Variants in VWA2 observed in about 807,000 individuals in gnomAD.
The protein encoded by VWA2 is von Willebrand factor A domain-containing protein 2.
A neutral mutation model predicts 70.4 loss-of-function variants in VWA2; 73 were observed. That is an observed-to-expected ratio of 1.04 (90% confidence interval 0.86 to 1.26). VWA2 has a LOEUF of 1.26. Among genes scored for constraint, VWA2 ranks in the 50% most tolerant of loss-of-function variants. VWA2 has a pLI of 0.00. For synonymous variants in VWA2, 407 were observed against 423.3 expected (o/e 0.96, Z 0.47); for missense variants, 1,011 against 998.5 (o/e 1.01, Z -0.17).
intron 5 of VWA2, among the ~76,000 whole-genome samples, chr10:114,267,898 T>C (rs1425777027): frequency 1.3e-5 from 2 of 152,144 alleles, no homozygotes; most frequent in East Asian, 3.9e-4. Flanking sequence ...GAATAGGACC[T>C]GAAAATCTAC....
Position 114,255,048 on chromosome 10 carries a change from G to A in VWA2, c.261G>A (p.Arg87=), listed in dbSNP as rs1263769223. The change falls in exon 4 of 14, where the codon AGG becomes AGA. Residue 87 remains arginine (R), a splice_region_variant and synonymous_variant. Transcript: ENST00000392982. ...ACGGTCTGGACATCAGCCCCGAGAG[G>A]GTGAGTGCAAGTCTTGTGGGTGTTT... ...VCDGLDISPE[R]VRVGAFQFSS... is the part of the protein sequence containing the mutation. The A allele has an allele frequency of 4.3e-6, 7 of 1,611,522 alleles. No homozygotes were observed. The African/African-American group carries it at 6.7e-5, about 15-fold the overall frequency.
chr10:114,275,422 C>T (rs1358049120), intron 6 of VWA2, among the ~76,000 whole-genome samples: 2 of 152,236 alleles, frequency 1.3e-5, no homozygotes, highest in African/African-American at 4.8e-5. Context: ...CCGTTTCCCA[C>T]ATTGTGCCAG....
intron 4 of VWA2, among the ~76,000 whole-genome samples, chr10:114,258,458 G>A (rs1399671373): frequency 7.9e-5 from 12 of 152,062 alleles, no homozygotes; most frequent in African/African-American, 1.9e-4. Context: ...ATAGCTGGGC[G>A]GGCCTGTTTC....
At chr10:114,271,606 AAAAC>A (rs1368374857) in intron 5 of VWA2, among the ~76,000 whole-genome samples, 1 of 131,122 alleles carries the variant, frequency 7.6e-6, no homozygotes, top group African/African-American at 3.3e-5. Flanking sequence ...ATGAGAAGTA[AAAAC>A]ACACACACAC....
At chr10:114,250,439 G>A (rs751813794) in intron 2 of VWA2, among the ~76,000 whole-genome samples, 62 of 152,232 alleles carry the variant, frequency 4.1e-4, no homozygotes, top group Admixed American at 1.1e-3. Flanking sequence ...AGTAAGAACA[G>A]GTGGACTGGG....
chr10:114,284,113 TGGACCACAG>T (rs1406213504), intron 9 of VWA2, among the ~76,000 whole-genome samples: 1 of 152,240 alleles, frequency 6.6e-6, no homozygotes, highest in Admixed American at 6.5e-5. Context: ...TGCTCAGGCA[TGGACCACAG>T]GGAATCATAG....
At chr10:114,289,728 A>C in intron 12 of VWA2, 1 of 569,198 alleles carries the variant, frequency 1.8e-6, no homozygotes, top group Non-Finnish European at 3.1e-6. Flanking sequence ...CCCAAACTTG[A>C]GAATTTATGC....
At chr10:114,266,913 T>C (rs1393664751) in intron 5 of VWA2, among the ~76,000 whole-genome samples, 3 of 152,218 alleles carry the variant, frequency 2.0e-5, no homozygotes, top group African/African-American at 7.2e-5. Context: ...TCCCCCTTAA[T>C]ATTATTTGGT....
chr10:114,251,042 C>T (rs1046056521), intron 2 of VWA2, among the ~76,000 whole-genome samples: 6 of 152,222 alleles, frequency 3.9e-5, no homozygotes, highest in Admixed American at 2.0e-4. Context: ...CTGGCTGTAC[C>T]GCTCAGCTTC....
In VWA2 at chr10:114,293,057, A is replaced by G. The variant is rs2133778488; in HGVS notation, c.*1820A>G. ...ATAATGTTTTATAGACAAACATTCA[A>G]GGGTACTTTGGCTTTAAGAACTTCA... On this transcript the variant is annotated 3_prime_UTR_variant, in exon 14 of 14. Transcript: ENST00000392982. Among the ~76,000 whole-genome samples, 1 of 152,330 alleles carries G rather than the reference A, an allele frequency of 6.6e-6. No homozygotes were observed. The highest frequency in any genetic ancestry group is 2.1e-4 in the South Asian group (1 of 4,824).
chr10:114,256,078 G>A (rs2037320793), intron 4 of VWA2, among the ~76,000 whole-genome samples: 1 of 152,190 alleles, frequency 6.6e-6, no homozygotes, highest in Non-Finnish European at 1.5e-5. Flanking sequence ...ACAAAGGCTT[G>A]GACCCTTTAA....
rs1048942912 is a variant in VWA2 at position 114,277,917 on chromosome 10, G to A, written c.570G>A (p.Trp190Ter). 8 of 1,606,918 alleles carry A rather than the reference G, an allele frequency of 5.0e-6. No homozygotes were observed. The African/African-American group carries it at 6.7e-5, about 13-fold the overall frequency. ...VFAVGVRFPR[W>*]EELHALASEP... The stretch of plus-strand genomic sequence containing the variant: ...CTGTTACAACCCCTTGGCACAGGTG[G>A]GAGGAGCTGCATGCACTGGCCAGCG... Residue 190 changes from tryptophan (W) to a stop codon, truncating the protein, a stop_gained, in exon 7 of 14, where the codon TGG (tryptophan) becomes TGA (stop). Transcript: ENST00000392982. LOFTEE classifies it high-confidence loss of function.
intron 8 of VWA2, among the ~76,000 whole-genome samples, chr10:114,279,940 C>T (rs528731577): frequency 1.5e-4 from 23 of 152,304 alleles, no homozygotes; most frequent in Admixed American, 3.9e-4. Flanking sequence ...GTGGGCAAGG[C>T]GCTCAGAGCC....
intron 6 of VWA2, among the ~76,000 whole-genome samples, chr10:114,277,168 CTTTTTT>C (rs780326649): frequency 6.5e-5 from 4 of 61,216 alleles, no homozygotes; most frequent in African/African-American, 1.4e-4. Context: ...GACTGCACGT[CTTTTTT>C]TTTTTTTTTT....
At chr10:114,248,671 T>C (rs1027646686) in intron 1 of VWA2, 33 bp from the exon 2 acceptor site, 2 of 1,589,298 alleles carry the variant, frequency 1.3e-6, no homozygotes, top group African/African-American at 2.7e-5. Context: ...AACTAATTGC[T>C]GATACTTTCT....
intron 1 of VWA2, among the ~76,000 whole-genome samples, chr10:114,246,989 C>G (rs1005036960): frequency 6.6e-6 from 1 of 152,084 alleles, no homozygotes; most frequent in African/African-American, 2.4e-5. Context: ...GCAGCTGCCC[C>G]CTCAGCCTGG....
rs764526217 is a variant in VWA2, at chr10:114,288,964, G to A, written c.1597G>A (p.Val533Ile). The A allele has an allele frequency of 4.2e-5, 67 of 1,612,392 alleles. No individual in the cohort carries two copies. The highest frequency in any genetic ancestry group is 2.7e-4 in the African/African-American group (20 of 74,896). The part of the protein sequence containing the change: ...PGCRTQALDL[V>I]FMLDTSASVG... Reference sequence around the variant, plus strand: ...GTGCCGGACACAAGCCCTGGACCTCGTCTTCATGTTGGACACCTCTGCCTC... The same window carrying A: ...GTGCCGGACACAAGCCCTGGACCTCATCTTCATGTTGGACACCTCTGCCTC... The change falls in exon 12 of 14, where the codon GTC (valine) becomes ATC (isoleucine). Residue 533 changes from valine (V) to isoleucine (I), a missense_variant. Val to Ile is a conservative substitution (Grantham distance 29). Transcript: ENST00000392982.
intron 1 of VWA2, chr10:114,246,862 G>T: frequency 1.4e-6 from 1 of 693,180 alleles, no homozygotes. Flanking sequence ...ACCTGGCAAT[G>T]CCTGAACCTC....
At chr10:114,257,665 G>A (rs1445252585) in intron 4 of VWA2, among the ~76,000 whole-genome samples, 1 of 152,172 alleles carries the variant, frequency 6.6e-6, no homozygotes, top group Non-Finnish European at 1.5e-5. Flanking sequence ...ACAGCAAATG[G>A]CCAGCAGTGT....
Sources: allele counts gnomAD v4.1 joint callset (sites outside exome capture counted in the v4.1 genomes callset), GRCh38; gene constraint gnomAD v4.1.1; transcripts MANE v1.5; gene names NCBI Gene and HGNC (gene_info 2026-07-23, HGNC 2026-07-21).